Variants in TRIM55 observed in about 807,000 individuals in gnomAD.
The protein encoded by TRIM55 is tripartite motif-containing protein 55.
TRIM55 carries 50 observed loss-of-function variants against 60.9 expected under a neutral mutation model. That is an observed-to-expected ratio of 0.82 (90% CI 0.65 to 1.04). The LOEUF is 1.04. Ranked by LOEUF, TRIM55 falls within the 50% of genes least tolerant of loss-of-function variation. The pLI is 0.00. For missense variants in TRIM55, 681 were observed against 666.9 expected (o/e 1.02, Z -0.23); for synonymous variants, 237 against 238.1 (o/e 1.00, Z 0.04).
rs753000579 is a variant in TRIM55 at position 66,137,046 on chromosome 8, G to T, written c.508-49G>T. On this transcript the variant is annotated intron_variant, in intron 3 of 9. Coordinates refer to ENST00000315962, the MANE Select transcript of TRIM55 (RefSeq NM_184085.2). ...ATATTATGACCAATTCACAGTCGGG[G>T]TGGCTAGGAAACCCCTAAGATATTG... 7 of 1,495,636 alleles carry T rather than the reference G, an allele frequency of 4.7e-6. No homozygotes were observed. The African/African-American group carries it at 9.7e-5, about 21-fold the overall frequency. The allele number at this position is 1,495,636 out of a possible 1,614,324, so 92.6% of individuals were successfully genotyped here.
upstream of TRIM55, among the ~76,000 whole-genome samples, chr8:66,123,353 G>A (rs761299402): frequency 2.0e-5 from 3 of 152,080 alleles, no homozygotes; most frequent in Admixed American, 6.6e-5. Flanking sequence ...ACCTGTTCTC[G>A]GGACCTCCTG....
chr8:66,117,641 G>A, the TRIM55 span, among the ~76,000 whole-genome samples: 2 of 152,050 alleles, frequency 1.3e-5, no homozygotes, highest in Admixed American at 6.5e-5. Context: ...TTAAATAAGG[G>A]GTGACTTGTG....
At chr8:66,131,518 T>C (rs779540854) in intron 2 of TRIM55, among the ~76,000 whole-genome samples, 39 of 152,346 alleles carry the variant, frequency 2.6e-4, no homozygotes, top group Non-Finnish European at 4.3e-4. Context: ...GGGCTTTACC[T>C]CTACTTGGGA....
At chr8:66,142,714 C>T (rs533671136) in intron 4 of TRIM55, among the ~76,000 whole-genome samples, 56 of 152,302 alleles carry the variant, frequency 3.7e-4, no homozygotes, top group Admixed American at 1.8e-3. Context: ...GTTTGGAAGA[C>T]CCGAGATCCA....
chr8:66,119,954 T>C, the TRIM55 span, among the ~76,000 whole-genome samples: 1 of 152,190 alleles, frequency 6.6e-6, no homozygotes, highest in African/African-American at 2.4e-5. Context: ...TTAGCGGAAA[T>C]TCTTATGGAC....
the TRIM55 span, among the ~76,000 whole-genome samples, chr8:66,114,130 C>T: frequency 1.0e-4 from 14 of 133,738 alleles, no homozygotes; most frequent in Admixed American, 3.3e-4. Context: ...AGTCTGTCTT[C>T]AGCGCTCAAT....
chr8:66,122,559 C>T (rs1397273638), upstream of TRIM55, among the ~76,000 whole-genome samples: 2 of 152,176 alleles, frequency 1.3e-5, no homozygotes, highest in South Asian at 4.1e-4. Context: ...AATTAACTTT[C>T]TAAATTAACT....
chr8:66,116,743 A>G, the TRIM55 span, among the ~76,000 whole-genome samples: 1 of 152,376 alleles, frequency 6.6e-6, no homozygotes. Context: ...TAAGGTAGAA[A>G]AAAAATACCA....
rs528086386 is a variant in TRIM55 at position 66,175,412 on chromosome 8, G to C, written c.*819G>C. The C allele has an allele frequency of 2.6e-5, 4 of 152,064 alleles. No individual in the cohort carries two copies. In the South Asian group the frequency reaches 8.3e-4, roughly 32 times the overall value. 9.4% of individuals were successfully genotyped at this position (152,064 alleles called of 1,614,324 possible). On this transcript the variant is annotated 3_prime_UTR_variant, in exon 10 of 10. Coordinates refer to ENST00000315962, the MANE Select transcript of TRIM55 (RefSeq NM_184085.2). The stretch of plus-strand genomic sequence containing the variant: ...TTTAAATCATGCTTTGTTAATATTT[G>C]TCCCACCATAATGCCTCCTTCAGAA...
intron 9 of TRIM55, among the ~76,000 whole-genome samples, chr8:66,154,672 C>G (rs1055846835): frequency 6.6e-6 from 1 of 152,228 alleles, no homozygotes; most frequent in African/African-American, 2.4e-5. Flanking sequence ...TCCTTACCAA[C>G]GGCCACTTGC....
At chr8:66,150,783 C>T (rs1318744745) in intron 7 of TRIM55, among the ~76,000 whole-genome samples, 1 of 152,136 alleles carries the variant, frequency 6.6e-6, no homozygotes, top group Non-Finnish European at 1.5e-5. Flanking sequence ...TCTCCCGCCT[C>T]AGCCTCCTGA....
chr8:66,152,320 T>C (rs1810475526), intron 7 of TRIM55, 57 bp from the exon 8 acceptor site: 2 of 1,523,834 alleles, frequency 1.3e-6, no homozygotes, highest in African/African-American at 1.4e-5. Flanking sequence ...GGCCATTAAC[T>C]GTGTCCATGG....
At chr8:66,157,437 T>C (rs1465287995) in intron 9 of TRIM55, among the ~76,000 whole-genome samples, 1 of 152,196 alleles carries the variant, frequency 6.6e-6, no homozygotes, top group East Asian at 1.9e-4. Flanking sequence ...GCAGGTCTGA[T>C]TCACCTTCAC....
chr8:66,152,996 T>C (rs1215656746), intron 8 of TRIM55, among the ~76,000 whole-genome samples: 1 of 152,024 alleles, frequency 6.6e-6, no homozygotes, highest in South Asian at 2.1e-4. Flanking sequence ...TCATGGGGAC[T>C]GGGTCTGCTC....
At chr8:66,155,527 G>A in intron 9 of TRIM55, 1 of 908,512 alleles carries the variant, frequency 1.1e-6, no homozygotes, top group Non-Finnish European at 1.7e-6. Flanking sequence ...AGAGCACGTA[G>A]TAGGGCTCAA....
upstream of TRIM55, chr8:66,127,054 G>A: frequency 4.3e-6 from 2 of 461,804 alleles, no homozygotes; most frequent in Non-Finnish European, 7.8e-6. Context: ...CCTGTCACTG[G>A]CTTATATGGA....
chr8:66,171,100 CTTTAT>C (rs1811601958), intron 9 of TRIM55, among the ~76,000 whole-genome samples: 1 of 152,108 alleles, frequency 6.6e-6, no homozygotes, highest in South Asian at 2.1e-4. Context: ...TTTAAAAACA[CTTTAT>C]TTTAAGTTCA....
chr8:66,160,235 A>T (rs906439208), intron 9 of TRIM55, among the ~76,000 whole-genome samples: 1 of 152,180 alleles, frequency 6.6e-6, no homozygotes, highest in Non-Finnish European at 1.5e-5. Flanking sequence ...ATAAGTGAGA[A>T]CATACAATGT....
At chr8:66,171,021 G>A (rs1453348396) in intron 9 of TRIM55, among the ~76,000 whole-genome samples, 1 of 152,198 alleles carries the variant, frequency 6.6e-6, no homozygotes, top group Non-Finnish European at 1.5e-5. Flanking sequence ...AACCCAAACT[G>A]AGGTTCGTGT....
Sources: gnomAD v4.1 joint callset for allele counts (sites outside exome capture counted in the v4.1 genomes callset) on GRCh38, gnomAD v4.1.1 for gene constraint, MANE v1.5 for transcripts, NCBI Gene and HGNC (gene_info 2026-07-23, HGNC 2026-07-21) for gene names.